RREB1: variants seen among roughly 807,000 people sequenced by gnomAD.
The protein encoded by RREB1 is ras-responsive element-binding protein 1.
A neutral mutation model predicts 117.8 loss-of-function variants in RREB1; 27 were observed. The ratio of observed to expected loss-of-function variants is 0.23; its 90% confidence interval spans 0.17 to 0.32. RREB1 has a LOEUF of 0.32. RREB1 is among the 10% of genes least tolerant of loss of function. RREB1 has a pLI of 1.00. For missense variants in RREB1, 2,577 were observed against 2,378.2 expected (o/e 1.08, Z -1.74); for synonymous variants, 1,298 against 1,026.7 (o/e 1.26, Z -5.05).
In RREB1 at chr6:7,182,037, C is replaced by G. The variant is rs760757812; in HGVS notation, c.126C>G (p.Ser42=). The G allele has an allele frequency of 6.2e-7, 1 of 1,613,876 alleles. No homozygotes were observed. Among genetic ancestry groups the G allele is most frequent in the South Asian group, 1.1e-5 (1 of 91,062 alleles). Residue 42 remains serine, a synonymous_variant, in exon 4 of 13, where the codon TCC becomes TCG. Transcript: ENST00000379938. The part of the protein sequence containing the change: ...ENGGSPQGIK[S]PSKPPGPNRI... ...GCGGGAGCCCCCAGGGGATCAAGTC[C>G]CCCTCGAAGCCTCCAGGACCAAATC...
chr6:7,223,257 TAAAAAAAAAAAA>T (rs59558597), intron 8 of RREB1, among the ~76,000 whole-genome samples: 1,727 of 97,292 alleles, frequency 0.018, 44 homozygotes, highest in African/African-American at 0.066. Flanking sequence ...ACTCTCTTTT[TAAAAAAAAAAAA>T]AAAAAAAAAA....
In RREB1 at chr6:7,231,804, G is replaced by A. The variant is rs751672224; in HGVS notation, c.3705G>A (p.Lys1235=). ...CAGAAGACAAGCTGCTGAGGGCCAA[G>A]CGGAACTCGTACACCAACTGCCTGC... ...SPPEDKLLRA[K]RNSYTNCLQK... is the part of the protein sequence containing the mutation. The change falls in exon 10 of 13, where the codon AAG becomes AAA. Residue 1235 remains lysine (K), a synonymous_variant. Transcript: ENST00000379938. 4.3e-6 allele frequency: 7 copies of A among 1,613,740 alleles called. 1 individual carries two copies. The South Asian group carries it at 7.7e-5, about 18-fold the overall frequency.
chr6:7,127,896 C>T (rs1255939691), intron 1 of RREB1, among the ~76,000 whole-genome samples: 1 of 152,060 alleles, frequency 6.6e-6, no homozygotes, highest in Non-Finnish European at 1.5e-5. Context: ...CCCTTCACTG[C>T]AGCTGAAACA....
Position 7,229,856 on chromosome 6 carries a change from T to C in RREB1, c.1757T>C (p.Leu586Pro), listed in dbSNP as rs774646497. Residue 586 changes from leucine to proline, a missense_variant, in exon 10 of 13, where the codon CTG becomes CCG. Transcript: ENST00000379938. The surrounding 1 kb of genome is among the most constrained non-coding windows in gnomAD (Gnocchi z 4.5). The stretch of plus-strand genomic sequence containing the variant: ...TCCCTGCAGCAGCCGCGGGCGGAGC[T>C]GCCGGGCCAGCCTGAGATGAAGACG... ...RLSLQQPRAE[L>P]PGQPEMKTQL... The C allele has an allele frequency of 6.2e-7, 1 of 1,610,386 alleles. No individual in the cohort carries two copies. The highest frequency in any genetic ancestry group is 8.5e-7 in the Non-Finnish European group (1 of 1,178,522).
intron 6 of RREB1, among the ~76,000 whole-genome samples, chr6:7,195,457 G>T (rs1765619815): frequency 6.6e-6 from 1 of 152,184 alleles, no homozygotes; most frequent in Non-Finnish European, 1.5e-5. Context: ...GACTCTAGTA[G>T]TGAGCTGTGA....
chr6:7,180,447 T>C (rs1322868243), intron 2 of RREB1, among the ~76,000 whole-genome samples: 2 of 152,210 alleles, frequency 1.3e-5, no homozygotes, highest in African/African-American at 4.8e-5. Context: ...ACTCGTAGAA[T>C]TTATTAGCAC....
At chr6:7,181,309 CATA>C in intron 3 of RREB1, 63 bp downstream of exon 3, 1 of 399,786 alleles carries the variant, frequency 2.5e-6, no homozygotes, top group Non-Finnish European at 4.4e-6. Context: ...CTGCTTTATA[CATA>C]TTTTTTAAGA....
chr6:7,217,104 G>C (rs566424747), intron 8 of RREB1: 2 of 152,332 alleles, frequency 1.3e-5, no homozygotes, highest in Non-Finnish European at 2.9e-5. Flanking sequence ...ACTGTTGCTC[G>C]CAGCAACTGG....
At chr6:7,165,865 T>C (rs977634627) in intron 1 of RREB1, among the ~76,000 whole-genome samples, 2 of 152,144 alleles carry the variant, frequency 1.3e-5, no homozygotes, top group African/African-American at 4.8e-5. Flanking sequence ...TTTGTAACAT[T>C]TGGGGGGAGT....
intron 1 of RREB1, among the ~76,000 whole-genome samples, chr6:7,174,091 C>T (rs1470645835): frequency 1.3e-5 from 2 of 151,728 alleles, no homozygotes; most frequent in Non-Finnish European, 1.5e-5. Flanking sequence ...AACAACCAGA[C>T]CCAGGCTTTC....
In RREB1 at chr6:7,247,184, G is replaced by A. The variant is rs1312760651; in HGVS notation, c.4734G>A (p.Ser1578=). 7 of 1,613,604 alleles carry A rather than the reference G, an allele frequency of 4.3e-6. No homozygotes were observed. The African/African-American group carries it at 8.0e-5, about 18-fold the overall frequency. The change falls in exon 12 of 13, where the codon TCG becomes TCA. Residue 1578 remains serine (S), a synonymous_variant. Coordinates refer to ENST00000379938, the MANE Select transcript of RREB1 (RefSeq NM_001003699.4). ...GCGTGTGCAACAAGCGGTTCTGGTC[G>A]CTGCAGGACCTGACCCGGCACATGC... ...VCSVCNKRFW[S]LQDLTRHMRS... is the part of the protein sequence containing the mutation.
At chr6:7,124,292 G>C (rs941718808) in intron 1 of RREB1, among the ~76,000 whole-genome samples, 16 of 152,164 alleles carry the variant, frequency 1.1e-4, no homozygotes, top group East Asian at 5.8e-4. Context: ...TCAAGAAAAG[G>C]GGGGGAGTAT....
chr6:7,176,201 G>C (rs1764491834), intron 1 of RREB1, among the ~76,000 whole-genome samples: 2 of 152,238 alleles, frequency 1.3e-5, no homozygotes, highest in African/African-American at 4.8e-5. Context: ...ACAGGCATGA[G>C]CCACTGCTAG....
intron 1 of RREB1, among the ~76,000 whole-genome samples, chr6:7,115,982 A>G (rs767760133): frequency 6.6e-6 from 1 of 152,138 alleles, no homozygotes; most frequent in African/African-American, 2.4e-5. Context: ...TGGCTGTTCT[A>G]TCGTTTCTGA....
intron 1 of RREB1, among the ~76,000 whole-genome samples, chr6:7,120,474 G>GGAT (rs1561726547): frequency 2.6e-5 from 4 of 152,000 alleles, no homozygotes; most frequent in Non-Finnish European, 5.9e-5. Flanking sequence ...AAAAGTACAT[G>GGAT]GCATGGATGA....
At chr6:7,148,588 A>G (rs1762976734) in intron 1 of RREB1, among the ~76,000 whole-genome samples, 1 of 151,970 alleles carries the variant, frequency 6.6e-6, no homozygotes, top group African/African-American at 2.4e-5. Context: ...AGCCTAGTGT[A>G]AGTTGTTCAT....
intron 6 of RREB1, among the ~76,000 whole-genome samples, chr6:7,206,276 G>C (rs1216974325): frequency 6.6e-6 from 1 of 152,136 alleles, no homozygotes; most frequent in East Asian, 1.9e-4. Context: ...GAGTGTTTTC[G>C]ATTGAAGTCC....
rs745855936 is a variant in RREB1 at position 7,230,256 on chromosome 6, C to T, written c.2157C>T (p.Arg719=). ...AAGCCAACTGCGAGCGGCACCTGCGCAAGAAGCACCTCAAGGCCACCCGCA... is the reference window on the plus strand; with the variant it reads ...AAGCCAACTGCGAGCGGCACCTGCGTAAGAAGCACCTCAAGGCCACCCGCA... ...TVKANCERHL[R]KKHLKATRKD... The change falls in exon 10 of 13, where the codon CGC becomes CGT. Residue 719 remains arginine (R), a synonymous_variant. Coordinates refer to ENST00000379938, the MANE Select transcript of RREB1 (RefSeq NM_001003699.4). 1.2e-6 allele frequency: 2 copies of T among 1,601,430 alleles called. No individual in the cohort carries two copies. The highest frequency in any genetic ancestry group is 2.2e-5 in the South Asian group (2 of 91,040).
At chr6:7,211,511 C>G in intron 7 of RREB1, 62 bp from the exon 8 acceptor site, 2 of 1,503,476 alleles carry the variant, frequency 1.3e-6, no homozygotes, top group South Asian at 1.1e-5. Context: ...GCATTGGCCT[C>G]TCTTCCGAAG....
Sources: allele counts gnomAD v4.1 joint callset (sites outside exome capture counted in the v4.1 genomes callset), GRCh38; gene constraint gnomAD v4.1.1; non-coding constraint Gnocchi (gnomAD v3.1); transcripts MANE v1.5; gene names NCBI Gene and HGNC (gene_info 2026-07-23, HGNC 2026-07-21).